TLN2: variants seen among roughly 807,000 people sequenced by gnomAD.
TLN2 encodes talin 2, also known as talin-2.
TLN2 carries 118 observed loss-of-function variants against 294.7 expected under a neutral mutation model. The ratio of observed to expected loss-of-function variants is 0.40; its 90% CI spans 0.34 to 0.47. The LOEUF is 0.47. TLN2 is among the 20% of genes least tolerant of loss of function. The pLI is 0.84. For synonymous variants in TLN2, 1,431 were observed against 1,304.5 expected, an observed-to-expected ratio of 1.10 and a Z score of -2.09; for missense variants, 3,083 against 3,282.2, an observed-to-expected ratio of 0.94 and a Z score of 1.48.
intron 54 of TLN2, among the ~76,000 whole-genome samples, chr15:62,822,116 G>T (rs988083275): frequency 6.6e-6 from 1 of 152,048 alleles, no homozygotes; most frequent in Non-Finnish European, 1.5e-5. Flanking sequence ...TTGTCCTTCC[G>T]CAGGGTCCTT....
Position 62,621,081 on chromosome 15 carries a change from C to T in TLN2, c.-37+2606C>T, listed in dbSNP as rs181763729. Among the ~76,000 whole-genome samples the T allele has an allele frequency of 9.3e-4, 141 of 152,082 alleles. 3 individuals are homozygous for T. The highest frequency in any genetic ancestry group is 3.4e-3 in the Middle Eastern group (1 of 292). On this transcript the variant is annotated intron_variant, in intron 3 of 58. Coordinates refer to ENST00000636159, the MANE Select transcript of TLN2 (RefSeq NM_015059.3). Reference sequence around the variant, plus strand: ...GTCTCGATCTCCTGACCTTGTGATCCGCCCACCTCGGCCTCCCAAAGTGCT... The same window carrying T: ...GTCTCGATCTCCTGACCTTGTGATCTGCCCACCTCGGCCTCCCAAAGTGCT...
chr15:62,662,822 GTTTTTTT>G (rs772448730), intron 9 of TLN2, among the ~76,000 whole-genome samples: 1 of 108,240 alleles, frequency 9.2e-6, no homozygotes, highest in Admixed American at 1.2e-4. Flanking sequence ...GATTGAGAGA[GTTTTTTT>G]TTTTTTTTTT....
chr15:62,622,492 G>C (rs2048918783), intron 3 of TLN2, among the ~76,000 whole-genome samples: 1 of 152,134 alleles, frequency 6.6e-6, no homozygotes, highest in East Asian at 1.9e-4. Flanking sequence ...TATGTATTAA[G>C]CACTTGCCCC....
At chr15:62,742,022 GGGGTGTGTGTGTGTGT>G (rs778355954) in intron 32 of TLN2, among the ~76,000 whole-genome samples, 51,152 of 99,790 alleles carry the variant, frequency 0.51, 11,402 homozygotes, top group Non-Finnish European at 0.61. Flanking sequence ...GGCTTGTAGT[GGGGTGTGTGTGTGTGT>G]GTGTGTGTGT....
At chr15:62,782,784 C>T (rs926813203) in intron 44 of TLN2, among the ~76,000 whole-genome samples, 7 of 152,150 alleles carry the variant, frequency 4.6e-5, no homozygotes, top group African/African-American at 1.7e-4. Context: ...TCCTGTCCTG[C>T]CTTGATGGAT....
At chr15:62,840,071 C>CT (rs1461956981) in intron 58 of TLN2, among the ~76,000 whole-genome samples, 3 of 152,206 alleles carry the variant, frequency 2.0e-5, no homozygotes, top group Admixed American at 2.0e-4. Context: ...TGGACCGGGT[C>CT]TTCCTCCACT....
At chr15:62,536,345 A>T (rs2041351087) in intron 1 of TLN2, among the ~76,000 whole-genome samples, 1 of 152,210 alleles carries the variant, frequency 6.6e-6, no homozygotes, top group South Asian at 2.1e-4. Flanking sequence ...TAGAGGTCAC[A>T]GGTCACAGGT....
chr15:62,551,293 C>T (rs2042286494), intron 1 of TLN2, among the ~76,000 whole-genome samples: 2 of 152,140 alleles, frequency 1.3e-5, no homozygotes, highest in Non-Finnish European at 2.9e-5. Flanking sequence ...GGTACCAGTC[C>T]ATGGCCTGGG....
At chr15:62,681,002 C>T (rs146846269) in intron 11 of TLN2, among the ~76,000 whole-genome samples, 228 of 152,232 alleles carry the variant, frequency 1.5e-3, no homozygotes, top group Middle Eastern at 0.014. Flanking sequence ...AGGTTGGGTC[C>T]ACATCTTTGG....
chr15:62,586,210 A>G (rs998094532), intron 1 of TLN2, among the ~76,000 whole-genome samples: 2 of 152,232 alleles, frequency 1.3e-5, no homozygotes, highest in Non-Finnish European at 2.9e-5. Context: ...GAGGCCAGCA[A>G]TTCACACTGG....
chr15:62,665,222 C>T (rs923818203), intron 9 of TLN2, among the ~76,000 whole-genome samples: 4 of 151,954 alleles, frequency 2.6e-5, no homozygotes, highest in African/African-American at 9.7e-5. Context: ...ACCATCATGC[C>T]CAGCTAACTT....
At chr15:62,759,631 AAGAGAAAAGCTTGGAGAGG>A (rs1245557814) in intron 37 of TLN2, among the ~76,000 whole-genome samples, 5 of 152,106 alleles carry the variant, frequency 3.3e-5, no homozygotes, top group Non-Finnish European at 5.9e-5. Context: ...CAGAAAGGGG[AAGAGAAAAGCTTGGAGAGG>A]TAAGAAGCAG....
intron 2 of TLN2, among the ~76,000 whole-genome samples, chr15:62,617,944 TTCA>T (rs2048444077): frequency 6.6e-6 from 1 of 151,880 alleles, no homozygotes; most frequent in South Asian, 2.1e-4. Context: ...ATCCAAGTGA[TTCA>T]TCATTCAGGC....
At chr15:62,608,835 G>C (rs1186627851) in intron 2 of TLN2, among the ~76,000 whole-genome samples, 11 of 152,102 alleles carry the variant, frequency 7.2e-5, no homozygotes, top group Admixed American at 4.6e-4. Context: ...AGCAGGAGTG[G>C]GGGACTAGGA....
chr15:62,836,112 G>A lies in TLN2; in HGVS notation c.7374+39G>A, dbSNP rs202082219. On this transcript the variant is annotated intron_variant, in intron 57 of 58. Coordinates refer to ENST00000636159, the MANE Select transcript of TLN2 (RefSeq NM_015059.3). ...ATGCTGGTGGGAAAATACTCCTGTT[G>A]GAGCGGGTAAGTGTCACCAGAGGGG... 2.7e-5 allele frequency: 42 copies of A among 1,567,622 alleles called. No homozygotes were observed. The East Asian group carries it at 8.9e-4, about 33-fold the overall frequency.
intron 9 of TLN2, among the ~76,000 whole-genome samples, chr15:62,666,908 T>A (rs2140986288): frequency 6.6e-6 from 1 of 152,366 alleles, no homozygotes; most frequent in Non-Finnish European, 1.5e-5. Flanking sequence ...ATGCCGGGCC[T>A]CACCCCCAGA....
chr15:62,655,580 T>TAGTAG (rs2053115550), intron 7 of TLN2, among the ~76,000 whole-genome samples: 1 of 11,716 alleles, frequency 8.5e-5, no homozygotes, highest in African/African-American at 9.3e-5. Context: ...TATACATTCA[T>TAGTAG]TGTAGCACAT....
intron 37 of TLN2, among the ~76,000 whole-genome samples, chr15:62,759,887 C>G (rs2062555421): frequency 6.6e-6 from 1 of 152,212 alleles, no homozygotes; most frequent in African/African-American, 2.4e-5. Context: ...CCCACCCTGC[C>G]TCGCACTGGT....
At chr15:62,456,508 C>T (rs1467822814) in intron 1 of TLN2, among the ~76,000 whole-genome samples, 1 of 152,138 alleles carries the variant, frequency 6.6e-6, no homozygotes, top group African/African-American at 2.4e-5. Context: ...ATAGCCAGTG[C>T]CTGAAAACCC....
Sources: allele counts gnomAD v4.1 joint callset (sites outside exome capture counted in the v4.1 genomes callset), GRCh38; gene constraint gnomAD v4.1.1; transcripts MANE v1.5; gene names NCBI Gene and HGNC (gene_info 2026-07-23, HGNC 2026-07-21).